The following PRKN variants were observed in gnomAD, a reference collection of about 807,000 sequenced individuals.
The protein encoded by PRKN is E3 ubiquitin-protein ligase parkin.
A neutral mutation model predicts 59.5 loss-of-function variants in PRKN; 56 were observed. That is an observed-to-expected ratio of 0.94 (90% CI 0.76 to 1.18). The LOEUF is 1.18. Among genes scored for constraint, PRKN ranks in the 50% most tolerant of loss-of-function variants. The pLI, the probability that PRKN is intolerant of heterozygous loss-of-function variation, is 0.00. For missense variants in PRKN, 657 were observed against 596.4 expected (o/e 1.10, Z -1.06); for synonymous variants, 250 against 222.1 (o/e 1.13, Z -1.12).
intron 7 of PRKN, among the ~76,000 whole-genome samples, chr6:161,597,383 AT>A (rs1327569239): frequency 2.0e-5 from 3 of 152,176 alleles, no homozygotes; most frequent in African/African-American, 7.2e-5. Context: ...GCTAGGGCTT[AT>A]TGAGTAAGGA....
At chr6:162,073,596 C>T (rs939937026) in intron 4 of PRKN, among the ~76,000 whole-genome samples, 9 of 152,112 alleles carry the variant, frequency 5.9e-5, no homozygotes, top group Admixed American at 1.3e-4. Context: ...GGACTCCAGA[C>T]GTGCATCACC....
chr6:162,283,100 A>G (rs1187833370), intron 2 of PRKN, among the ~76,000 whole-genome samples: 1 of 151,382 alleles, frequency 6.6e-6, no homozygotes, highest in African/African-American at 2.4e-5. Flanking sequence ...TGATGTTGCC[A>G]TCTTCATTTT....
chr6:162,291,814 G>A (rs772464168), intron 2 of PRKN, among the ~76,000 whole-genome samples: 2 of 152,052 alleles, frequency 1.3e-5, no homozygotes, highest in Non-Finnish European at 2.9e-5. Flanking sequence ...GGAAAAGGTT[G>A]GCGTTGGGAT....
At chr6:161,894,854 C>T (rs1192200566) in intron 6 of PRKN, among the ~76,000 whole-genome samples, 2 of 152,128 alleles carry the variant, frequency 1.3e-5, no homozygotes, top group African/African-American at 4.8e-5. Flanking sequence ...TCATTTATAA[C>T]TGTATTTATT....
At chr6:161,438,895 T>C (rs1789055324) in intron 9 of PRKN, among the ~76,000 whole-genome samples, 1 of 152,270 alleles carries the variant, frequency 6.6e-6, no homozygotes, top group Non-Finnish European at 1.5e-5. Flanking sequence ...GTTTAAGAAA[T>C]ATAAGCACAT....
At chr6:161,969,632 CT>C (rs1299300126) in intron 6 of PRKN, among the ~76,000 whole-genome samples, 2 of 152,162 alleles carry the variant, frequency 1.3e-5, no homozygotes, top group African/African-American at 4.8e-5. Context: ...CACGGTCCCC[CT>C]GACCAGGAGG....
rs190688279 is a variant in PRKN at position 161,961,342 on chromosome 6, G to A, written c.734+11960C>T. ...GTACTTCAGCAGAAACGGAAGCTACGTGGGATGGCTTGGGGTTAGGCAGGT... is the reference window on the plus strand; with the variant it reads ...GTACTTCAGCAGAAACGGAAGCTACATGGGATGGCTTGGGGTTAGGCAGGT... On this transcript the variant is annotated intron_variant, in intron 6 of 11. Coordinates refer to ENST00000366898, the MANE Select transcript of PRKN (RefSeq NM_004562.3). 4.5e-4 allele frequency among the ~76,000 whole-genome samples: 68 copies of A among 152,270 alleles called. 1 individual carries two copies. Among genetic ancestry groups the A allele is most frequent in the African/African-American group, 1.5e-3 (62 of 41,558 alleles).
chr6:162,088,078 T>G (rs1351014178), intron 4 of PRKN, among the ~76,000 whole-genome samples: 1 of 152,172 alleles, frequency 6.6e-6, no homozygotes, highest in East Asian at 1.9e-4. Context: ...TTTCTAACCC[T>G]GTCCCACATC....
In PRKN at chr6:161,468,428, C is replaced by A. The variant is rs1293568185; in HGVS notation, c.1083+80426G>T. Among the ~76,000 whole-genome samples the A allele has an allele frequency of 6.6e-6, 1 of 152,182 alleles. No homozygotes were observed. The highest frequency in any genetic ancestry group is 1.9e-4 in the East Asian group (1 of 5,198). ...TTGAAAAGTCAACCATAATAAATGTCAAATCCTACAGAGTATCCTTTAAAT... is the reference window on the plus strand; with the variant it reads ...TTGAAAAGTCAACCATAATAAATGTAAAATCCTACAGAGTATCCTTTAAAT... On this transcript the variant is annotated intron_variant, in intron 9 of 11. Coordinates refer to ENST00000366898, the MANE Select transcript of PRKN (RefSeq NM_004562.3). The surrounding 1 kb of genome is among the most constrained non-coding windows in gnomAD (Gnocchi z 5.9).
intron 1 of PRKN, among the ~76,000 whole-genome samples, chr6:162,660,421 T>A (rs572029427): frequency 4.4e-4 from 67 of 152,318 alleles, no homozygotes; most frequent in African/African-American, 1.6e-3. Flanking sequence ...TGTGTCTTTG[T>A]ATGCAATTTC....
chr6:162,118,542 T>C (rs1434690691), intron 4 of PRKN, among the ~76,000 whole-genome samples: 1 of 152,200 alleles, frequency 6.6e-6, no homozygotes, highest in Non-Finnish European at 1.5e-5. Context: ...TACAAACACA[T>C]GGCAGGTATA....
At chr6:162,325,602 C>T (rs1164414789) in intron 2 of PRKN, among the ~76,000 whole-genome samples, 1 of 152,144 alleles carries the variant, frequency 6.6e-6, no homozygotes, top group African/African-American at 2.4e-5. Flanking sequence ...CAAACTAAGT[C>T]TGCAGCACAG....
chr6:161,419,822 T>C lies in PRKN; in HGVS notation c.1084-32945A>G, dbSNP rs536754932. 6.6e-6 allele frequency among the ~76,000 whole-genome samples: 1 copy of C among 152,186 alleles called. No homozygotes were observed. Among genetic ancestry groups the C allele is most frequent in the Non-Finnish European group, 1.5e-5 (1 of 68,016 alleles). On this transcript the variant is annotated intron_variant, in intron 9 of 11. Coordinates refer to ENST00000366898, the MANE Select transcript of PRKN (RefSeq NM_004562.3). The surrounding 1 kb of genome is among the most constrained non-coding windows in gnomAD (Gnocchi z 4.1). ...GTAGTTCACTTACCATCTCTGAATTTCCATTTATTTCACTGTGAAAGGGGG... is the reference window on the plus strand; with the variant it reads ...GTAGTTCACTTACCATCTCTGAATTCCCATTTATTTCACTGTGAAAGGGGG...
At chr6:162,094,132 G>T (rs1396965140) in intron 4 of PRKN, among the ~76,000 whole-genome samples, 1 of 152,128 alleles carries the variant, frequency 6.6e-6, no homozygotes, top group East Asian at 1.9e-4. Context: ...TAGAGCAAGG[G>T]GTGGAAATCA....
chr6:162,454,785 T>C (rs1293756613), intron 1 of PRKN, among the ~76,000 whole-genome samples: 1 of 152,210 alleles, frequency 6.6e-6, no homozygotes, highest in Non-Finnish European at 1.5e-5. Flanking sequence ...AACAAAGGAA[T>C]ACACTCAATC....
intron 7 of PRKN, among the ~76,000 whole-genome samples, chr6:161,777,848 A>G (rs1169614013): frequency 6.9e-6 from 1 of 145,204 alleles, no homozygotes; most frequent in Non-Finnish European, 1.5e-5. Flanking sequence ...GTATATATGT[A>G]TATATGTGTA....
intron 7 of PRKN, among the ~76,000 whole-genome samples, chr6:161,669,572 G>T (rs865858588): frequency 6.6e-6 from 1 of 152,170 alleles, no homozygotes; most frequent in Non-Finnish European, 1.5e-5. Flanking sequence ...GTTCTTCAAG[G>T]GTCAGCATGC....
In PRKN at chr6:162,443,537, T is replaced by A. The variant is rs548127850; in HGVS notation, c.8-64A>T. 352 of 1,477,936 alleles carry A rather than the reference T, an allele frequency of 2.4e-4. 4 individuals carry two copies. In the South Asian group the frequency reaches 3.8e-3, roughly 16 times the overall value. 91.6% of individuals were successfully genotyped at this position (1,477,936 alleles called of 1,614,324 possible). On this transcript the variant is annotated intron_variant, in intron 1 of 11. Coordinates refer to ENST00000366898, the MANE Select transcript of PRKN (RefSeq NM_004562.3). ...ATCACTCGAAGCCCTTAAATGGTGA[T>A]AGCAACATTTCTCAACCGATTTACC... is the stretch of plus-strand genomic sequence containing the variant.
chr6:162,294,734 G>A (rs547096007), intron 2 of PRKN, among the ~76,000 whole-genome samples: 348 of 150,554 alleles, frequency 2.3e-3, no homozygotes, highest in African/African-American at 8.2e-3. Context: ...AATAGAATAA[G>A]AGTAAAAAAA....
Sources: allele counts gnomAD v4.1 joint callset (sites outside exome capture counted in the v4.1 genomes callset), GRCh38; gene constraint gnomAD v4.1.1; non-coding constraint Gnocchi (gnomAD v3.1); transcripts MANE v1.5; gene names NCBI Gene and HGNC (gene_info 2026-07-23, HGNC 2026-07-21).